SPTLC2: variants seen among roughly 807,000 people sequenced by gnomAD.
SPTLC2 encodes serine palmitoyltransferase 2.
In SPTLC2, 21 loss-of-function variants were observed where a neutral mutation model predicts 62.0. The ratio of observed to expected loss-of-function variants is 0.34; its 90% CI spans 0.24 to 0.49. SPTLC2 has a LOEUF of 0.49. Among genes scored for constraint, SPTLC2 ranks in the 20% least tolerant of loss-of-function variants. The pLI, the probability that SPTLC2 is intolerant of heterozygous loss-of-function variation, is 0.99. For synonymous variants in SPTLC2, 261 were observed against 261.8 expected, an observed-to-expected ratio of 1.00 and a Z score of 0.03; for missense variants, 511 against 713.0, an observed-to-expected ratio of 0.72 and a Z score of 3.23.
intron 1 of SPTLC2, among the ~76,000 whole-genome samples, chr14:77,599,370 TAAACAAATAA>T (rs1416496837): frequency 1.3e-5 from 2 of 152,218 alleles, no homozygotes; most frequent in Non-Finnish European, 1.5e-5. Context: ...AGATACGATA[TAAACAAATAA>T]AAACAAATTA....
chr14:77,512,085 G>A lies in SPTLC2; in HGVS notation c.*199C>T, dbSNP rs1742466776. The A allele has an allele frequency of 3.0e-6, 2 of 673,830 alleles. No homozygotes were observed. The highest frequency in any genetic ancestry group is 2.5e-6 in the Non-Finnish European group (1 of 404,084). The allele number at this position is 673,830 out of a possible 1,614,324, so 41.7% of individuals were successfully genotyped here. A position where few individuals can be genotyped will look rare whatever the true frequency, so the allele number is the denominator to read the frequency against. On this transcript the variant is annotated 3_prime_UTR_variant, in exon 12 of 12. Transcript: ENST00000216484. ...GAGTCACCTTCGTTTTTAAAGGTGA[G>A]ATTTAGCAAAGGAAGGATTAGAAGC...
chr14:77,515,635 C>T (rs1009098209), intron 11 of SPTLC2, among the ~76,000 whole-genome samples: 1 of 149,518 alleles, frequency 6.7e-6, no homozygotes, highest in Non-Finnish European at 1.5e-5. Flanking sequence ...CTGCAACCTC[C>T]GCCTCCCAGA....
intron 4 of SPTLC2, among the ~76,000 whole-genome samples, chr14:77,574,480 C>G (rs1485540377): frequency 6.6e-6 from 1 of 152,182 alleles, no homozygotes; most frequent in East Asian, 1.9e-4. Flanking sequence ...TACGACCTAG[C>G]AATTCCACTA....
At chr14:77,573,382 A>G (rs1489932427) in intron 4 of SPTLC2, among the ~76,000 whole-genome samples, 1 of 152,114 alleles carries the variant, frequency 6.6e-6, no homozygotes, top group Admixed American at 6.6e-5. Flanking sequence ...GGTGACGAGT[A>G]CCCTAAATAC....
chr14:77,530,387 G>T (rs547403023), intron 9 of SPTLC2, among the ~76,000 whole-genome samples: 84 of 151,998 alleles, frequency 5.5e-4, no homozygotes, highest in African/African-American at 2.0e-3. Flanking sequence ...GGAGTGCAGC[G>T]GCACGATCTC....
intron 4 of SPTLC2, among the ~76,000 whole-genome samples, chr14:77,575,008 G>A (rs1219639406): frequency 2.6e-5 from 4 of 152,158 alleles, no homozygotes; most frequent in Non-Finnish European, 2.9e-5. Flanking sequence ...AGGATTTCAA[G>A]AACACCCTGG....
At chr14:77,570,357 G>T in intron 5 of SPTLC2, 27 bp downstream of exon 5, 1 of 1,610,426 alleles carries the variant, frequency 6.2e-7, no homozygotes. Context: ...ACATGAGGGA[G>T]TTTTCATAAA....
chr14:77,586,335 CAAA>C (rs1274262847), intron 2 of SPTLC2, among the ~76,000 whole-genome samples: 2 of 152,072 alleles, frequency 1.3e-5, no homozygotes, highest in African/African-American at 4.8e-5. Flanking sequence ...CTTGGCCTCC[CAAA>C]GTGTTGGGAT....
intron 9 of SPTLC2, chr14:77,535,781 G>T: frequency 3.0e-6 from 1 of 328,708 alleles, no homozygotes; most frequent in Non-Finnish European, 5.9e-6. Context: ...ATTTTTGCTT[G>T]ACTGATTCCT....
chr14:77,535,281 T>C (rs1021782203), intron 9 of SPTLC2, among the ~76,000 whole-genome samples: 2 of 152,054 alleles, frequency 1.3e-5, no homozygotes, highest in African/African-American at 2.4e-5. Flanking sequence ...ACACCCAGCA[T>C]ATGCAAGAAA....
chr14:77,546,779 A>G (rs1165830078), intron 9 of SPTLC2, among the ~76,000 whole-genome samples: 1 of 151,322 alleles, frequency 6.6e-6, no homozygotes, highest in Non-Finnish European at 1.5e-5. Flanking sequence ...CTTGTTGCCC[A>G]GGTTGGAGTG....
chr14:77,533,559 C>T (rs1045675440), intron 9 of SPTLC2, among the ~76,000 whole-genome samples: 5 of 152,090 alleles, frequency 3.3e-5, no homozygotes, highest in Non-Finnish European at 5.9e-5. Flanking sequence ...CAGTTAGTTT[C>T]GGGAAGGCTG....
At chr14:77,572,812 A>G (rs541566334) in intron 4 of SPTLC2, among the ~76,000 whole-genome samples, 2 of 152,300 alleles carry the variant, frequency 1.3e-5, no homozygotes, top group African/African-American at 4.8e-5. Context: ...AACTTCTGCT[A>G]GGCTTAAGCT....
chr14:77,587,789 T>TAATAATAAC (rs1555377192), intron 2 of SPTLC2, among the ~76,000 whole-genome samples: 3 of 149,936 alleles, frequency 2.0e-5, no homozygotes, highest in Admixed American at 1.3e-4. Flanking sequence ...ATAATAATAA[T>TAATAATAAC]AACTAATGCT....
intron 2 of SPTLC2, among the ~76,000 whole-genome samples, chr14:77,581,106 T>C (rs2079747807): frequency 6.6e-6 from 1 of 152,200 alleles, no homozygotes; most frequent in Non-Finnish European, 1.5e-5. Context: ...AAAACGAAAC[T>C]ACAGTTTTTA....
Position 77,551,830 on chromosome 14 carries a change from T to C in SPTLC2, c.1303+266A>G, listed in dbSNP as rs76092557. On this transcript the variant is annotated intron_variant, in intron 9 of 11. Transcript: ENST00000216484. ...TAATTCAAGAAAAACCTCGAAGGTA[T>C]ATTACCTCTGAGTTAAGAGGGTATG... 0.015 allele frequency among the ~76,000 whole-genome samples: 2,325 copies of C among 152,320 alleles called. 56 individuals carry two copies. The highest frequency in any genetic ancestry group is 0.052 in the African/African-American group (2,162 of 41,554).
At chr14:77,590,481 T>G (rs970038513) in intron 2 of SPTLC2, among the ~76,000 whole-genome samples, 1 of 152,016 alleles carries the variant, frequency 6.6e-6, no homozygotes, top group Non-Finnish European at 1.5e-5. Flanking sequence ...GAGGCCGAGG[T>G]GGGCAGATAG....
chr14:77,531,696 G>C (rs752214987), intron 9 of SPTLC2, among the ~76,000 whole-genome samples: 3 of 151,960 alleles, frequency 2.0e-5, no homozygotes, highest in Non-Finnish European at 4.4e-5. Context: ...ATTTTTAGTA[G>C]AGACAGGGTT....
chr14:77,534,174 TCTCTCACA>T (rs1189326841), intron 9 of SPTLC2, among the ~76,000 whole-genome samples: 4 of 87,474 alleles, frequency 4.6e-5, no homozygotes, highest in Admixed American at 1.5e-4. Flanking sequence ...TTTCTCTCTC[TCTCTCACA>T]CACACACACA....
Sources: gnomAD v4.1 joint callset for allele counts (sites outside exome capture counted in the v4.1 genomes callset) on GRCh38, gnomAD v4.1.1 for gene constraint, MANE v1.5 for transcripts, NCBI Gene and HGNC (gene_info 2026-07-23, HGNC 2026-07-21) for gene names.